Variants in RGS7 observed in about 807,000 individuals in gnomAD.
RGS7 encodes the protein regulator of G-protein signaling 7.
RGS7 carries 27 observed loss-of-function variants against 81.1 expected under a neutral mutation model. The ratio of observed to expected loss-of-function variants is 0.33; its 90% CI spans 0.25 to 0.46. The LOEUF is 0.46. RGS7 is among the 20% of genes least tolerant of loss of function. The pLI, the probability that RGS7 is intolerant of heterozygous loss-of-function variation, is 1.00. For synonymous variants in RGS7, 208 were observed against 207.7 expected (o/e 1.00, Z -0.01); for missense variants, 396 against 607.4 (o/e 0.65, Z 3.66).
At chr1:241,059,772 C>A (rs369088495) in intron 3 of RGS7, among the ~76,000 whole-genome samples, 20 of 149,874 alleles carry the variant, frequency 1.3e-4, no homozygotes, top group African/African-American at 4.8e-4. Flanking sequence ...CTCACTGTAT[C>A]TTGAACATCT....
At chr1:241,208,508 A>C (rs77892452) in intron 2 of RGS7, among the ~76,000 whole-genome samples, 3,665 of 152,156 alleles carry the variant, frequency 0.024, 58 homozygotes, top group Non-Finnish European at 0.038. Flanking sequence ...TGTCTAGGTG[A>C]AAATAAGCAC....
At chr1:240,826,486 A>G (rs1210225514) in intron 10 of RGS7, among the ~76,000 whole-genome samples, 1 of 152,226 alleles carries the variant, frequency 6.6e-6, no homozygotes, top group African/African-American at 2.4e-5. Flanking sequence ...GCACCAATCT[A>G]TAAGCTGTGT....
At chr1:241,085,608 T>A (rs542124915) in intron 3 of RGS7, among the ~76,000 whole-genome samples, 18 of 150,040 alleles carry the variant, frequency 1.2e-4, no homozygotes, top group African/African-American at 4.5e-4. Flanking sequence ...ATATTTTTTT[T>A]AGTAGATATG....
intron 3 of RGS7, among the ~76,000 whole-genome samples, chr1:241,089,028 T>TCC (rs1558700142): frequency 5.9e-4 from 21 of 35,722 alleles, no homozygotes; most frequent in Non-Finnish European, 8.2e-4. Flanking sequence ...TCCATCTCTC[T>TCC]CTCTCTCTCT....
chr1:241,037,557 A>G (rs752726568), intron 3 of RGS7, among the ~76,000 whole-genome samples: 3 of 151,948 alleles, frequency 2.0e-5, no homozygotes, highest in Non-Finnish European at 4.4e-5. Flanking sequence ...CATCTCTACT[A>G]AAAATACAAA....
At chr1:241,283,325 A>G (rs571273659) in intron 2 of RGS7, among the ~76,000 whole-genome samples, 7 of 152,302 alleles carry the variant, frequency 4.6e-5, no homozygotes, top group South Asian at 2.1e-4. Flanking sequence ...CTCTTACAGC[A>G]GGTCTGCTGG....
chr1:241,137,104 T>C (rs1397040735), intron 2 of RGS7, among the ~76,000 whole-genome samples: 1 of 152,214 alleles, frequency 6.6e-6, no homozygotes, highest in African/African-American at 2.4e-5. Flanking sequence ...CATCATATCA[T>C]CAGGAAGTTT....
chr1:241,094,132 T>C (rs2064079729), intron 3 of RGS7, among the ~76,000 whole-genome samples: 1 of 152,112 alleles, frequency 6.6e-6, no homozygotes, highest in Non-Finnish European at 1.5e-5. Context: ...TCTCCTTCCT[T>C]ACATGCTTCA....
At chr1:241,346,715 G>A (rs2082918865) in intron 2 of RGS7, among the ~76,000 whole-genome samples, 1 of 152,128 alleles carries the variant, frequency 6.6e-6, no homozygotes, top group Admixed American at 6.5e-5. Flanking sequence ...TAGAAAAATA[G>A]AATACTAATA....
chr1:240,969,962 A>G (rs1572049587), intron 4 of RGS7, among the ~76,000 whole-genome samples: 1 of 152,188 alleles, frequency 6.6e-6, no homozygotes, highest in Non-Finnish European at 1.5e-5. Context: ...ATTTTTAAAT[A>G]TTTCTTCAAA....
chr1:241,053,676 G>A (rs2061354044), intron 3 of RGS7, among the ~76,000 whole-genome samples: 1 of 152,108 alleles, frequency 6.6e-6, no homozygotes, highest in African/African-American at 2.4e-5. Flanking sequence ...GTTTGGCTGT[G>A]TCCCCACCCA....
chr1:241,297,878 C>A (rs79040216), intron 2 of RGS7, among the ~76,000 whole-genome samples: 1,967 of 152,292 alleles, frequency 0.013, 28 homozygotes, highest in Middle Eastern at 0.031. Flanking sequence ...GGCAGCATGT[C>A]CACACACTGG....
chr1:240,820,446 A>C (rs1312110641), intron 10 of RGS7, among the ~76,000 whole-genome samples: 1 of 152,144 alleles, frequency 6.6e-6, no homozygotes, highest in Non-Finnish European at 1.5e-5. Flanking sequence ...GAGAACTAGA[A>C]AAATTATCCC....
intron 2 of RGS7, among the ~76,000 whole-genome samples, chr1:241,202,897 G>A (rs2073627965): frequency 6.6e-6 from 1 of 152,072 alleles, no homozygotes; most frequent in South Asian, 2.1e-4. Flanking sequence ...AGAGTAAGAG[G>A]CCAGAGACAG....
At chr1:241,044,869 A>G (rs1305837701) in intron 3 of RGS7, among the ~76,000 whole-genome samples, 4 of 152,256 alleles carry the variant, frequency 2.6e-5, no homozygotes, top group Non-Finnish European at 4.4e-5. Context: ...AATGCTTTAC[A>G]CAGAATATAT....
chr1:241,161,719 C>CTT (rs140807162), intron 2 of RGS7, among the ~76,000 whole-genome samples: 5 of 129,812 alleles, frequency 3.9e-5, no homozygotes, highest in African/African-American at 8.5e-5. Flanking sequence ...TGTTTTATTG[C>CTT]TTTTTTTTTT....
chr1:241,192,362 C>A (rs550207796), intron 2 of RGS7, among the ~76,000 whole-genome samples: 16 of 151,822 alleles, frequency 1.1e-4, no homozygotes, highest in African/African-American at 3.9e-4. Flanking sequence ...GATTCTAGTT[C>A]TTTAGCATTA....
chr1:241,110,388 T>C (rs2065431509), intron 2 of RGS7, among the ~76,000 whole-genome samples: 1 of 152,158 alleles, frequency 6.6e-6, no homozygotes, highest in Non-Finnish European at 1.5e-5. Context: ...TTCTAGCTTC[T>C]GGAATCAACT....
chr1:241,157,714 G>C (rs572586029), intron 2 of RGS7, among the ~76,000 whole-genome samples: 1 of 151,722 alleles, frequency 6.6e-6, no homozygotes, highest in East Asian at 1.9e-4. Flanking sequence ...GCTTTTCAGT[G>C]GTTGAAAAAA....
Sources: allele counts gnomAD v4.1 joint callset (sites outside exome capture counted in the v4.1 genomes callset), GRCh38; gene constraint gnomAD v4.1.1; transcripts MANE v1.5; gene names NCBI Gene and HGNC (gene_info 2026-07-23, HGNC 2026-07-21).